Variants in FSIP1 observed in about 807,000 individuals in gnomAD.
FSIP1 encodes fibrous sheath interacting protein 1.
In FSIP1, 65 loss-of-function variants were observed where a neutral mutation model predicts 60.9. The observed-to-expected ratio is 1.07, with a 90% CI of 0.87 to 1.31. The LOEUF (loss-of-function observed/expected upper bound fraction) is 1.31, where lower values mean the gene tolerates loss of function less well. FSIP1 is among the 40% of genes most tolerant of loss of function. FSIP1 has a pLI of 0.00. For missense variants in FSIP1, 675 were observed against 665.5 expected (o/e 1.01, Z -0.16); for synonymous variants, 209 against 221.2 (o/e 0.94, Z 0.49).
At chr15:39,701,399 T>C (rs915281852) in intron 10 of FSIP1, among the ~76,000 whole-genome samples, 1 of 152,214 alleles carries the variant, frequency 6.6e-6, no homozygotes, top group Non-Finnish European at 1.5e-5. Context: ...TCTCTTTTTC[T>C]TCCTTCTGCC....
At chr15:39,765,566 T>A (rs752500332) in intron 4 of FSIP1, 26 bp downstream of exon 4, 2 of 1,526,670 alleles carry the variant, frequency 1.3e-6, no homozygotes, top group Non-Finnish European at 1.8e-6. Flanking sequence ...TTCTTACATG[T>A]CAGCATAAGG....
At chr15:39,756,795 C>T (rs552337422) in intron 5 of FSIP1, among the ~76,000 whole-genome samples, 1 of 152,216 alleles carries the variant, frequency 6.6e-6, no homozygotes, top group Admixed American at 6.5e-5. Context: ...GCTTTAATAA[C>T]GTGATCATGC....
At chr15:39,652,790 T>C (rs1452230749) in intron 10 of FSIP1, among the ~76,000 whole-genome samples, 4 of 152,190 alleles carry the variant, frequency 2.6e-5, no homozygotes, top group Non-Finnish European at 5.9e-5. Flanking sequence ...CCGTACAGCA[T>C]GTTACTGCAT....
chr15:39,746,400 G>A (rs182314092), intron 5 of FSIP1, among the ~76,000 whole-genome samples: 2 of 152,330 alleles, frequency 1.3e-5, no homozygotes, highest in South Asian at 2.1e-4. Context: ...TTACTCAACC[G>A]CTGTCATACT....
chr15:39,681,540 T>C (rs964524769), intron 10 of FSIP1, among the ~76,000 whole-genome samples: 4 of 152,178 alleles, frequency 2.6e-5, no homozygotes, highest in African/African-American at 9.6e-5. Flanking sequence ...AGAAATGTAA[T>C]TATAGAGATA....
chr15:39,656,619 C>T (rs1893079854), intron 10 of FSIP1, among the ~76,000 whole-genome samples: 1 of 152,280 alleles, frequency 6.6e-6, no homozygotes, highest in East Asian at 1.9e-4. Context: ...GAATAACCTA[C>T]CCCATACAGT....
At chr15:39,668,343 C>G (rs1402118711) in intron 10 of FSIP1, among the ~76,000 whole-genome samples, 1 of 152,094 alleles carries the variant, frequency 6.6e-6, no homozygotes, top group Non-Finnish European at 1.5e-5. Context: ...TGGAGTGGAC[C>G]CACCTTGCAG....
At chr15:39,764,817 T>C (rs1052611179) in intron 4 of FSIP1, among the ~76,000 whole-genome samples, 1 of 152,196 alleles carries the variant, frequency 6.6e-6, no homozygotes, top group East Asian at 1.9e-4. Flanking sequence ...TCCCCAAAAC[T>C]TGTTTGTCAC....
intron 10 of FSIP1, among the ~76,000 whole-genome samples, chr15:39,684,867 C>G (rs1894302634): frequency 6.6e-6 from 1 of 152,082 alleles, no homozygotes; most frequent in African/African-American, 2.4e-5. Context: ...TATTAGTATC[C>G]CCTCTCCCAG....
chr15:39,759,596 C>T (rs1230369121), intron 5 of FSIP1, among the ~76,000 whole-genome samples: 1 of 152,100 alleles, frequency 6.6e-6, no homozygotes, highest in Non-Finnish European at 1.5e-5. Context: ...TCTATAGCGG[C>T]CCTAACAAAT....
At chr15:39,718,066 C>A (rs1280812311) in intron 9 of FSIP1, among the ~76,000 whole-genome samples, 1 of 151,936 alleles carries the variant, frequency 6.6e-6, no homozygotes, top group East Asian at 1.9e-4. Context: ...TTTCTTCCCC[C>A]ATCCACGGTG....
chr15:39,764,938 C>A (rs903859504), intron 4 of FSIP1, among the ~76,000 whole-genome samples: 1 of 152,204 alleles, frequency 6.6e-6, no homozygotes, highest in Non-Finnish European at 1.5e-5. Context: ...ATGAAAGCAG[C>A]TATTACACCC....
At chr15:39,645,896 G>A (rs1892582812) in intron 10 of FSIP1, among the ~76,000 whole-genome samples, 1 of 152,238 alleles carries the variant, frequency 6.6e-6, no homozygotes, top group Non-Finnish European at 1.5e-5. Flanking sequence ...GAAGGGGGCA[G>A]GGTCCCCAGT....
At chr15:39,738,928 A>G (rs950256253) in intron 7 of FSIP1, among the ~76,000 whole-genome samples, 1 of 152,188 alleles carries the variant, frequency 6.6e-6, no homozygotes, top group African/African-American at 2.4e-5. Flanking sequence ...TGAAGGGTAA[A>G]AAATTACTTA....
chr15:39,703,991 A>G (rs1895164998), intron 10 of FSIP1, among the ~76,000 whole-genome samples: 1 of 152,218 alleles, frequency 6.6e-6, no homozygotes, highest in Admixed American at 6.5e-5. Flanking sequence ...TCTGCATTAA[A>G]TGATGTAGAA....
chr15:39,629,175 G>C (rs558504422), intron 10 of FSIP1, among the ~76,000 whole-genome samples: 1 of 152,272 alleles, frequency 6.6e-6, no homozygotes, highest in African/African-American at 2.4e-5. Flanking sequence ...TGAGTAAGCT[G>C]TCATGTGTAC....
At position 39,749,263 on chromosome 15, in the gene FSIP1, CA is replaced by C. The variant is rs3065148; in HGVS notation, c.560-7364del. On this transcript the variant is annotated intron_variant, in intron 5 of 11. Coordinates refer to ENST00000350221, the MANE Select transcript of FSIP1 (RefSeq NM_152597.5). ...AATACCAATACTTCTTAAACTCTTC[CA>C]AAAAAAAAAAAACCAGGCTAGAGGG... Among the ~76,000 whole-genome samples, 334 of 98,300 alleles carry C rather than the reference CA, an allele frequency of 3.4e-3. 15 individuals carry two copies. Among genetic ancestry groups the C allele is most frequent in the African/African-American group, 0.013 (283 of 21,498 alleles). 64.5% of individuals were successfully genotyped at this position (98,300 alleles called of 152,430 possible).
At chr15:39,762,839 A>G (rs1037632424) in intron 5 of FSIP1, among the ~76,000 whole-genome samples, 1 of 152,222 alleles carries the variant, frequency 6.6e-6, no homozygotes, top group Non-Finnish European at 1.5e-5. Flanking sequence ...AGGAGAATGA[A>G]CACAAATAAA....
chr15:39,635,797 C>T (rs1892111359), intron 10 of FSIP1, among the ~76,000 whole-genome samples: 1 of 152,154 alleles, frequency 6.6e-6, no homozygotes, highest in South Asian at 2.1e-4. Context: ...ACCCACCTTG[C>T]TTTCTGATGG....
Sources: gnomAD v4.1 joint callset for allele counts (sites outside exome capture counted in the v4.1 genomes callset) on GRCh38, gnomAD v4.1.1 for gene constraint, MANE v1.5 for transcripts, NCBI Gene and HGNC (gene_info 2026-07-23, HGNC 2026-07-21) for gene names.